TLR6: variants seen among roughly 807,000 people sequenced by gnomAD.
TLR6 encodes the protein toll-like receptor 6.
A neutral mutation model predicts 16.1 loss-of-function variants in TLR6; 9 were observed. The ratio of observed to expected loss-of-function variants is 0.56; its 90% CI spans 0.34 to 0.98. TLR6 has a LOEUF of 0.98. Among genes scored for constraint, TLR6 ranks in the 50% least tolerant of loss-of-function variants. The pLI, the probability that TLR6 is intolerant of heterozygous loss-of-function variation, is 0.02. For missense variants in TLR6, 786 were observed against 921.0 expected (o/e 0.85, Z 1.90); for synonymous variants, 340 against 338.6 (o/e 1.00, Z -0.04).
chr4:38,849,062 A>C (rs1405725558), intron 1 of TLR6, among the ~76,000 whole-genome samples: 1 of 152,266 alleles, frequency 6.6e-6, no homozygotes, highest in African/African-American at 2.4e-5. Flanking sequence ...GAAGCCCATC[A>C]GACTAACAGC....
upstream of TLR6, among the ~76,000 whole-genome samples, chr4:38,858,847 GA>G (rs1439549381): frequency 4.9e-5 from 5 of 102,116 alleles, no homozygotes; most frequent in Non-Finnish European, 9.8e-5. Flanking sequence ...AAGAAAGAAA[GA>G]AAGAAAGAAA....
At chr4:38,849,088 A>C (rs1037977917) in intron 1 of TLR6, among the ~76,000 whole-genome samples, 6 of 152,248 alleles carry the variant, frequency 3.9e-5, no homozygotes, top group Non-Finnish European at 8.8e-5. Flanking sequence ...TCTCGGCAGA[A>C]ACTCTACAAG....
intron 1 of TLR6, among the ~76,000 whole-genome samples, chr4:38,848,086 T>C (rs888056875): frequency 6.6e-6 from 1 of 152,044 alleles, no homozygotes; most frequent in Admixed American, 6.5e-5. Flanking sequence ...GAGACAAAGC[T>C]TCCAGAGGAA....
chr4:38,860,992 G>A (rs1713180518), upstream of TLR6, among the ~76,000 whole-genome samples: 2 of 147,486 alleles, frequency 1.4e-5, no homozygotes, highest in South Asian at 2.2e-4. Context: ...AAAATCAGGG[G>A]ACTGAGACCT....
At chr4:38,864,440 A>G in the TLR6 span, among the ~76,000 whole-genome samples, 1 of 152,230 alleles carries the variant, frequency 6.6e-6, no homozygotes, top group Non-Finnish European at 1.5e-5. Flanking sequence ...GATACTAAAA[A>G]ATATATTCAA....
chr4:38,828,513 G>A lies in TLR6; in HGVS notation c.961C>T (p.Gln321Ter). Residue 321 changes from glutamine (Q) to a stop codon, truncating the protein, a stop_gained, in exon 2 of 2, where the codon CAG (glutamine) becomes TAG (stop). Coordinates refer to ENST00000436693, the Ensembl canonical transcript of TLR6. LOFTEE classifies it low-confidence loss of function (END_TRUNC). Reference sequence around the variant, plus strand: ...GAAAACACGGTGTACAAAGCTGTCTGTGAAAACAGAAAAACTTGGTTCGTG... The same window carrying A: ...GAAAACACGGTGTACAAAGCTGTCTATGAAAACAGAAAAACTTGGTTCGTG... 6.2e-7 allele frequency: 1 copy of A among 1,614,146 alleles called. No homozygotes were observed. The highest frequency in any genetic ancestry group is 8.5e-7 in the Non-Finnish European group (1 of 1,179,996).
At chr4:38,844,238 C>T (rs1187847180) in intron 1 of TLR6, among the ~76,000 whole-genome samples, 1 of 152,104 alleles carries the variant, frequency 6.6e-6, no homozygotes, top group African/African-American at 2.4e-5. Flanking sequence ...ATACTGGTAG[C>T]GGTGTTCATC....
At chr4:38,827,850 T>C in exon 2 of TLR6, 1 of 1,614,278 alleles carries the variant, frequency 6.2e-7, no homozygotes, top group Non-Finnish European at 8.5e-7. Flanking sequence ...TCTATATTTT[T>C]GACAAATTCT....
chr4:38,832,660 GA>G (rs1711670921), intron 1 of TLR6, among the ~76,000 whole-genome samples: 1 of 152,034 alleles, frequency 6.6e-6, no homozygotes, highest in South Asian at 2.1e-4. Flanking sequence ...CAACAACCCT[GA>G]ATCTCCACAC....
upstream of TLR6, among the ~76,000 whole-genome samples, chr4:38,858,169 A>T (rs1270569458): frequency 6.6e-6 from 1 of 152,224 alleles, no homozygotes; most frequent in East Asian, 1.9e-4. Context: ...AATGACAGTT[A>T]AGCAAACAAA....
chr4:38,836,578 C>CA (rs887176468), intron 1 of TLR6, among the ~76,000 whole-genome samples: 4 of 152,000 alleles, frequency 2.6e-5, no homozygotes, highest in African/African-American at 9.7e-5. Context: ...TCAAACTATT[C>CA]AAAAAAATTA....
chr4:38,859,780 G>A (rs1713156927), upstream of TLR6, among the ~76,000 whole-genome samples: 1 of 151,476 alleles, frequency 6.6e-6, no homozygotes, highest in Non-Finnish European at 1.5e-5. Flanking sequence ...CGCTCAGGCT[G>A]GTCTGGAATT....
intron 1 of TLR6, among the ~76,000 whole-genome samples, chr4:38,851,538 G>A (rs541774743): frequency 1.3e-5 from 2 of 152,192 alleles, no homozygotes; most frequent in African/African-American, 2.4e-5. Flanking sequence ...CTTCAGCAAA[G>A]TCTCAGGATA....
In TLR6 at chr4:38,850,140, A is replaced by G. The variant is rs532269593; in HGVS notation, c.-65+6621T>C. Among the ~76,000 whole-genome samples, 165 of 152,362 alleles carry G rather than the reference A, an allele frequency of 1.1e-3. 1 individual carries two copies. Among genetic ancestry groups the G allele is most frequent in the African/African-American group, 3.9e-3 (161 of 41,586 alleles). On this transcript the variant is annotated intron_variant, in intron 1 of 1. Coordinates refer to ENST00000436693, the Ensembl canonical transcript of TLR6. ...GCTCCTGAATGACTACTGGGTTCAT[A>G]AAGAAATGAAGGCAGAAATAAAGAT...
chr4:38,829,666 T>C (rs1219621836), intron 1 of TLR6, 129 bp from the exon 2 acceptor site: 4 of 527,070 alleles, frequency 7.6e-6, no homozygotes, highest in Non-Finnish European at 1.3e-5. Flanking sequence ...CATAATTTAA[T>C]GTAATACTTT....
At chr4:38,837,433 G>A (rs1308089655) in intron 1 of TLR6, among the ~76,000 whole-genome samples, 2 of 152,154 alleles carry the variant, frequency 1.3e-5, no homozygotes, top group African/African-American at 4.8e-5. Context: ...CATATTTACA[G>A]CCAATCAATT....
upstream of TLR6, among the ~76,000 whole-genome samples, chr4:38,858,746 AGAGAGAGAGAGGG>A (rs1400491841): frequency 1.0e-5 from 1 of 97,652 alleles, no homozygotes; most frequent in African/African-American, 5.3e-5. Context: ...AAAGAAAGAG[AGAGAGAGAGAGGG>A]AGAGAGAGAG....
intron 1 of TLR6, among the ~76,000 whole-genome samples, chr4:38,853,223 C>A (rs1712839059): frequency 1.7e-5 from 2 of 118,420 alleles, no homozygotes; most frequent in South Asian, 5.5e-4. Context: ...CACACTGGGG[C>A]CTGTCGTGGG....
At position 38,827,523 on chromosome 4, in the gene TLR6, G is replaced by T. The variant is rs374213159; in HGVS notation, c.1951C>A (p.His651Asn). Residue 651 changes from histidine to asparagine, a missense_variant, in exon 2 of 2, where the codon CAT becomes AAT. Physicochemically the swap from His to Asn is moderately conservative, Grantham distance 68. Coordinates refer to ENST00000436693, the Ensembl canonical transcript of TLR6. ...TCACTTTTCACCCAGGCAGAATCAT[G>T]TTCACTATATGAAATAAAAGCATGA... The T allele has an allele frequency of 3.1e-6, 5 of 1,614,068 alleles. No homozygotes were observed. The African/African-American group carries it at 6.7e-5, about 22-fold the overall frequency.
Sources: allele counts gnomAD v4.1 joint callset (sites outside exome capture counted in the v4.1 genomes callset), GRCh38; gene constraint gnomAD v4.1.1; transcripts MANE v1.5; gene names NCBI Gene and HGNC (gene_info 2026-07-23, HGNC 2026-07-21).